The following AGBL4 variants were observed in gnomAD, a reference collection of about 807,000 sequenced individuals.
AGBL4 encodes AGBL carboxypeptidase 4.
Under a neutral mutation model 66.4 loss-of-function variants are expected in AGBL4, and 58 were observed. The ratio of observed to expected loss-of-function variants is 0.87; its 90% confidence interval spans 0.71 to 1.09. The LOEUF (loss-of-function observed/expected upper bound fraction) is 1.09, where lower values mean the gene tolerates loss of function less well. AGBL4 is among the 50% of genes least tolerant of loss of function. AGBL4 has a pLI of 0.00. For synonymous variants in AGBL4, 234 were observed against 222.9 expected (o/e 1.05, Z -0.44); for missense variants, 579 against 631.0 (o/e 0.92, Z 0.88).
At chr1:49,021,123 G>T (rs1663212005) in intron 5 of AGBL4, among the ~76,000 whole-genome samples, 1 of 152,190 alleles carries the variant, frequency 6.6e-6, no homozygotes, top group African/African-American at 2.4e-5. Flanking sequence ...TCAGTGAAAG[G>T]ATTCGGGCAG....
intron 3 of AGBL4, among the ~76,000 whole-genome samples, chr1:49,345,540 G>C (rs982945299): frequency 3.3e-5 from 5 of 152,116 alleles, no homozygotes; most frequent in Non-Finnish European, 5.9e-5. Flanking sequence ...CAACTCATCT[G>C]TTCATAAATA....
At chr1:49,473,223 G>T (rs1400529623) in intron 3 of AGBL4, among the ~76,000 whole-genome samples, 1 of 152,082 alleles carries the variant, frequency 6.6e-6, no homozygotes, top group Non-Finnish European at 1.5e-5. Flanking sequence ...TCTCCAAACT[G>T]CTTCCCACAG....
intron 6 of AGBL4, among the ~76,000 whole-genome samples, chr1:48,730,577 A>T (rs1433662636): frequency 6.6e-6 from 1 of 152,162 alleles, no homozygotes; most frequent in African/African-American, 2.4e-5. Flanking sequence ...TGGTAGAAGG[A>T]GAAAGGTGCA....
At chr1:49,556,781 C>G (rs943980712) in intron 3 of AGBL4, among the ~76,000 whole-genome samples, 1 of 151,998 alleles carries the variant, frequency 6.6e-6, no homozygotes, top group South Asian at 2.1e-4. Flanking sequence ...CGGGAAGGCT[C>G]GTGCGGTGCA....
intron 4 of AGBL4, among the ~76,000 whole-genome samples, chr1:49,227,827 T>C (rs970360417): frequency 6.6e-6 from 1 of 152,188 alleles, no homozygotes; most frequent in Non-Finnish European, 1.5e-5. Flanking sequence ...TGCAGTGCCC[T>C]ATTCTCTAAT....
intron 4 of AGBL4, among the ~76,000 whole-genome samples, chr1:49,144,864 C>A (rs896794440): frequency 6.6e-6 from 1 of 152,000 alleles, no homozygotes; most frequent in Admixed American, 6.6e-5. Context: ...GGATTCTAGG[C>A]TGAGGTCACA....
chr1:49,362,702 A>T (rs1644166481), intron 3 of AGBL4, among the ~76,000 whole-genome samples: 1 of 152,080 alleles, frequency 6.6e-6, no homozygotes, highest in South Asian at 2.1e-4. Flanking sequence ...CTCTTTACAT[A>T]GTATGAAATT....
chr1:49,026,237 A>G (rs1425770264), intron 5 of AGBL4, among the ~76,000 whole-genome samples: 1 of 152,180 alleles, frequency 6.6e-6, no homozygotes, highest in Non-Finnish European at 1.5e-5. Context: ...GAAGAAAGGG[A>G]GAAAGTTGTC....
intron 3 of AGBL4, among the ~76,000 whole-genome samples, chr1:49,571,982 A>C (rs960800528): frequency 1.3e-5 from 2 of 152,088 alleles, no homozygotes; most frequent in Non-Finnish European, 2.9e-5. Flanking sequence ...TATTTTCATG[A>C]GAATTTTTGT....
intron 3 of AGBL4, among the ~76,000 whole-genome samples, chr1:49,548,589 C>T (rs564064077): frequency 6.6e-6 from 1 of 152,244 alleles, no homozygotes; most frequent in East Asian, 1.9e-4. Flanking sequence ...TATTGACTTG[C>T]ATATGTTAAA....
At chr1:49,646,871 C>T (rs1645899222) in intron 3 of AGBL4, among the ~76,000 whole-genome samples, 2 of 151,396 alleles carry the variant, frequency 1.3e-5, no homozygotes, top group Admixed American at 1.3e-4. Flanking sequence ...AATAGGACCA[C>T]ATGTAAATGG....
chr1:48,698,015 C>A (rs950913153), intron 6 of AGBL4, among the ~76,000 whole-genome samples: 3 of 152,246 alleles, frequency 2.0e-5, no homozygotes, highest in Admixed American at 2.0e-4. Context: ...ACTACTGTCA[C>A]GGAATGACTC....
At chr1:49,756,821 C>G (rs1421200204) in intron 2 of AGBL4, among the ~76,000 whole-genome samples, 1 of 151,546 alleles carries the variant, frequency 6.6e-6, no homozygotes, top group Non-Finnish European at 1.5e-5. Flanking sequence ...TTCCTGAGGC[C>G]TCCCCAGCCA....
intron 6 of AGBL4, chr1:48,761,260 C>A: frequency 2.1e-6 from 3 of 1,420,288 alleles, no homozygotes; most frequent in East Asian, 2.5e-5. Context: ...GGAGAGGAAG[C>A]CAGACTGAAA....
chr1:49,356,424 T>C (rs960618441), intron 3 of AGBL4, among the ~76,000 whole-genome samples: 1 of 152,222 alleles, frequency 6.6e-6, no homozygotes, highest in Admixed American at 6.5e-5. Flanking sequence ...TGATTAGCTA[T>C]GCTGATTTGT....
intron 3 of AGBL4, among the ~76,000 whole-genome samples, chr1:49,366,080 A>G (rs1335293581): frequency 6.6e-6 from 1 of 152,182 alleles, no homozygotes; most frequent in Non-Finnish European, 1.5e-5. Context: ...TTCCTTCTCC[A>G]GCAGCAATGA....
chr1:48,824,456 G>T (rs1160225706), intron 6 of AGBL4, among the ~76,000 whole-genome samples: 2 of 152,206 alleles, frequency 1.3e-5, no homozygotes, highest in African/African-American at 4.8e-5. Context: ...AGTGCAGAGT[G>T]TTAGGGTGAG....
chr1:48,899,434 TCTCAGC>T (rs1651876221), intron 5 of AGBL4, among the ~76,000 whole-genome samples: 1 of 151,772 alleles, frequency 6.6e-6, no homozygotes, highest in African/African-American at 2.4e-5. Context: ...TTTTTTTTTT[TCTCAGC>T]TTCTCCTCTA....
chr1:49,775,552 C>T (rs995513758), intron 2 of AGBL4, among the ~76,000 whole-genome samples: 8 of 151,750 alleles, frequency 5.3e-5, no homozygotes, highest in African/African-American at 1.9e-4. Flanking sequence ...AAATTTTTCC[C>T]CAAACCAAAG....
Sources: allele counts gnomAD v4.1 joint callset (sites outside exome capture counted in the v4.1 genomes callset), GRCh38; gene constraint gnomAD v4.1.1; transcripts MANE v1.5; gene names NCBI Gene and HGNC (gene_info 2026-07-23, HGNC 2026-07-21).